DNAJC18: variants seen among roughly 807,000 people sequenced by gnomAD.
The protein encoded by DNAJC18 is DnaJ heat shock protein family (Hsp40) member C18, also known as dnaJ homolog subfamily C member 18.
A neutral mutation model predicts 48.6 loss-of-function variants in DNAJC18; 40 were observed. That is an observed-to-expected ratio of 0.82 (90% confidence interval 0.64 to 1.07). The LOEUF is 1.07. Among genes scored for constraint, DNAJC18 ranks in the 50% least tolerant of loss-of-function variants. DNAJC18 has a pLI of 0.00. For synonymous variants in DNAJC18, 135 were observed against 152.2 expected (o/e 0.89, Z 0.83); for missense variants, 340 against 427.7 (o/e 0.79, Z 1.81).
chr5:139,426,668 C>T (rs565155693), intron 3 of DNAJC18, among the ~76,000 whole-genome samples: 4 of 152,278 alleles, frequency 2.6e-5, no homozygotes, highest in African/African-American at 7.2e-5. Flanking sequence ...TTCGGGTTCC[C>T]AGTCACCACA....
intron 1 of DNAJC18, among the ~76,000 whole-genome samples, chr5:139,438,347 T>G (rs571124841): frequency 6.6e-6 from 1 of 152,298 alleles, no homozygotes; most frequent in East Asian, 1.9e-4. Context: ...ATGAGATTTT[T>G]TTTTGCAATT....
intron 7 of DNAJC18, among the ~76,000 whole-genome samples, chr5:139,415,542 C>T (rs929257321): frequency 3.3e-5 from 5 of 152,244 alleles, no homozygotes; most frequent in East Asian, 1.9e-4. Context: ...CAGAACAATG[C>T]GCTCTCCCTG....
At chr5:139,433,407 G>A (rs900795664) in intron 2 of DNAJC18, among the ~76,000 whole-genome samples, 38 of 149,114 alleles carry the variant, frequency 2.5e-4, no homozygotes, top group African/African-American at 9.5e-4. Context: ...TCGTGCCACT[G>A]CACTCCGGCT....
chr5:139,434,840 G>A (rs920891746), intron 2 of DNAJC18, among the ~76,000 whole-genome samples: 6 of 151,734 alleles, frequency 4.0e-5, no homozygotes, highest in African/African-American at 1.5e-4. Context: ...TTCCAATTTG[G>A]ATGGCTTTTA....
chr5:139,437,912 C>T (rs1561470957), intron 1 of DNAJC18, among the ~76,000 whole-genome samples: 1 of 152,202 alleles, frequency 6.6e-6, no homozygotes, highest in Non-Finnish European at 1.5e-5. Flanking sequence ...GTAAGATCTA[C>T]TCCTGACCAC....
rs145373351 is a variant in DNAJC18 at position 139,430,448 on chromosome 5, A to G, written c.228-1765T>C. 1.2e-4 allele frequency among the ~76,000 whole-genome samples: 19 copies of G among 152,262 alleles called. No homozygotes were observed. The East Asian group carries it at 2.9e-3, about 23-fold the overall frequency. Reference sequence around the variant, plus strand: ...TGATTTTGCTGTGTACTTAACCTCTATAGCTTGGTGTTATCTTCTGAAATG... The same window carrying G: ...TGATTTTGCTGTGTACTTAACCTCTGTAGCTTGGTGTTATCTTCTGAAATG... On this transcript the variant is annotated intron_variant, in intron 2 of 7. Coordinates refer to ENST00000302060, the MANE Select transcript of DNAJC18 (RefSeq NM_152686.4).
At chr5:139,437,211 A>G (rs780420124) in intron 2 of DNAJC18, among the ~76,000 whole-genome samples, 161 bp downstream of exon 2, 7 of 152,130 alleles carry the variant, frequency 4.6e-5, no homozygotes, top group Admixed American at 6.6e-5. Context: ...ATACCCTAAT[A>G]TTCCACTTCT....
At chr5:139,427,289 A>G (rs185696391) in intron 3 of DNAJC18, among the ~76,000 whole-genome samples, 6 of 152,340 alleles carry the variant, frequency 3.9e-5, no homozygotes, top group African/African-American at 9.6e-5. Flanking sequence ...GTTTACCAAC[A>G]TGTCTCCTTT....
chr5:139,424,949 A>G, intron 5 of DNAJC18, 56 bp downstream of exon 5: 1 of 1,427,468 alleles, frequency 7.0e-7, no homozygotes, highest in Non-Finnish European at 9.9e-7. Flanking sequence ...ATGTACCATC[A>G]AGGTTGGCCA....
In DNAJC18 at chr5:139,424,841, A is replaced by C. The variant is rs189564683; in HGVS notation, c.669+164T>G. ...GGAGGGGATACCATTCTGCCTATTT[A>C]GGCCAATTTTCCAGCTCTTCTAACC... On this transcript the variant is annotated intron_variant, in intron 5 of 7. Transcript: ENST00000302060. Among the ~76,000 whole-genome samples the C allele has an allele frequency of 4.0e-5, 6 of 148,170 alleles. No homozygotes were observed. In the East Asian group the frequency reaches 1.2e-3, roughly 30 times the overall value.
intron 7 of DNAJC18, among the ~76,000 whole-genome samples, chr5:139,416,493 A>ACAT (rs572923929): frequency 2.4e-4 from 36 of 152,364 alleles, no homozygotes; most frequent in African/African-American, 8.2e-4. Flanking sequence ...AGATGGTGCT[A>ACAT]CATCCAGTCT....
chr5:139,435,157 A>ATCC, intron 2 of DNAJC18, among the ~76,000 whole-genome samples: 1 of 152,268 alleles, frequency 6.6e-6, no homozygotes, highest in African/African-American at 2.4e-5. Flanking sequence ...TCACGAGACC[A>ATCC]TCCTGGCCAA....
Position 139,439,481 on chromosome 5 carries a change from C to G in DNAJC18, c.-36G>C. On this transcript the variant is annotated 5_prime_UTR_variant, in exon 1 of 8. Transcript: ENST00000302060. The surrounding 1 kb of genome is among the most constrained non-coding windows in gnomAD (Gnocchi z 4.1). ...AATCAGCAGGTCCGCCGAGCCTCCC[C>G]CGTGCCCGAGGCTGAAAGAGAAGGG... 4 of 1,613,776 alleles carry G rather than the reference C, an allele frequency of 2.5e-6. No homozygotes were observed. The highest frequency in any genetic ancestry group is 3.4e-6 in the Non-Finnish European group (4 of 1,179,966).
chr5:139,418,592 A>G lies in DNAJC18; in HGVS notation c.952+1461T>C, dbSNP rs576294666. 6.1e-4 allele frequency: 203 copies of G among 331,574 alleles called. 1 individual carries two copies. Among genetic ancestry groups the G allele is most frequent in the Non-Finnish European group, 1.0e-3 (169 of 163,500 alleles). 20.5% of individuals were successfully genotyped at this position (331,574 alleles called of 1,614,324 possible). A position where few individuals can be genotyped will look rare whatever the true frequency, so the allele number is the denominator to read the frequency against. On this transcript the variant is annotated intron_variant, in intron 7 of 7. Transcript: ENST00000302060. ...AATTGGAATTTCCTCTTCCTGTTTAATTTCCTCTTATATCCCAGAGTCATT... is the reference window on the plus strand; with the variant it reads ...AATTGGAATTTCCTCTTCCTGTTTAGTTTCCTCTTATATCCCAGAGTCATT...
chr5:139,419,809 A>G (rs1561998138), intron 7 of DNAJC18, among the ~76,000 whole-genome samples: 14 of 152,190 alleles, frequency 9.2e-5, no homozygotes, highest in Non-Finnish European at 1.5e-5. Flanking sequence ...TCAAAGAGAG[A>G]CAGACATACA....
At position 139,411,425 on chromosome 5, in the gene DNAJC18, G is replaced by C. The variant is rs1221396270; in HGVS notation, c.*2723C>G. The C allele has an allele frequency of 6.6e-6, 1 of 152,192 alleles. No homozygotes were observed. Among genetic ancestry groups the C allele is most frequent in the Non-Finnish European group, 1.5e-5 (1 of 68,042 alleles). The allele number at this position is 152,192 out of a possible 1,614,324, so 9.4% of individuals were successfully genotyped here. A position where few individuals can be genotyped will look rare whatever the true frequency, so the allele number is the denominator to read the frequency against. On this transcript the variant is annotated 3_prime_UTR_variant, in exon 8 of 8. Transcript: ENST00000302060. ...GCTCAAAGAAACAGTCTAGAGCTGGGTGCCAAGCTCCGGCAGCAAGAATAA... is the reference window on the plus strand; with the variant it reads ...GCTCAAAGAAACAGTCTAGAGCTGGCTGCCAAGCTCCGGCAGCAAGAATAA...
Position 139,419,949 on chromosome 5 carries a change from A to C in DNAJC18, c.952+104T>G, listed in dbSNP as rs559385671. On this transcript the variant is annotated intron_variant, in intron 7 of 7. Transcript: ENST00000302060. ...TTGTCCTCTGACTCTGTTCACATAA[A>C]CATGCGTAGCCTCAAACAAGAAGAG... 1.3e-4 allele frequency: 157 copies of C among 1,188,306 alleles called. 2 individuals are homozygous for C. The South Asian group carries it at 2.6e-3, about 20-fold the overall frequency. The allele number at this position is 1,188,306 out of a possible 1,614,324, so 73.6% of individuals were successfully genotyped here.
At chr5:139,428,762 C>A (rs1224449378) in intron 2 of DNAJC18, 79 bp from the exon 3 acceptor site, 1 of 1,494,122 alleles carries the variant, frequency 6.7e-7, no homozygotes, top group Non-Finnish European at 8.9e-7. Flanking sequence ...TCGATCCTAC[C>A]TCCAATCTGT....
intron 4 of DNAJC18, 28 bp from the exon 5 acceptor site, chr5:139,425,142 A>G (rs2152083838): frequency 6.3e-7 from 1 of 1,578,802 alleles, no homozygotes; most frequent in South Asian, 1.1e-5. Context: ...GGTATGGGAT[A>G]TGGCAAACAC....
Sources: allele counts gnomAD v4.1 joint callset (sites outside exome capture counted in the v4.1 genomes callset), GRCh38; gene constraint gnomAD v4.1.1; non-coding constraint Gnocchi (gnomAD v3.1); transcripts MANE v1.5; gene names NCBI Gene and HGNC (gene_info 2026-07-23, HGNC 2026-07-21).